Variants in CTNS observed in about 807,000 individuals in gnomAD.
The protein encoded by CTNS is cystinosin.
A neutral mutation model predicts 43.7 loss-of-function variants in CTNS; 27 were observed. The ratio of observed to expected loss-of-function variants is 0.62; its 90% confidence interval spans 0.46 to 0.85. The LOEUF is 0.85. Among genes scored for constraint, CTNS ranks in the 40% least tolerant of loss-of-function variants. The probability of loss-of-function intolerance (pLI) is 0.00; values close to 1 mark genes in which losing one functional copy is unlikely to be tolerated. For synonymous variants in CTNS, 187 were observed against 190.6 expected (o/e 0.98, Z 0.16); for missense variants, 457 against 475.4 (o/e 0.96, Z 0.36).
chr17:3,641,403 T>A lies in CTNS; in HGVS notation c.61+1136T>A, dbSNP rs1351005397. ...ATATATATTTTTTTTTTTTTTTTTT[T>A]TTTTTTGAGACAGAGTCTCACTCTG... On this transcript the variant is annotated intron_variant, in intron 3 of 11. Transcript: ENST00000046640. Among the ~76,000 whole-genome samples, 73 of 113,542 alleles carry A rather than the reference T, an allele frequency of 6.4e-4. No homozygotes were observed. The East Asian group carries it at 8.9e-3, about 14-fold the overall frequency. The allele number at this position is 113,542 out of a possible 152,430, so 74.5% of individuals were successfully genotyped here.
chr17:3,644,551 G>A (rs1202945476), intron 3 of CTNS, among the ~76,000 whole-genome samples: 2 of 152,152 alleles, frequency 1.3e-5, no homozygotes, highest in South Asian at 2.1e-4. Context: ...TGCAGCCCCC[G>A]CTTCCTGGGT....
At chr17:3,645,229 AT>A (rs1241741138) in intron 3 of CTNS, among the ~76,000 whole-genome samples, 43 of 152,046 alleles carry the variant, frequency 2.8e-4, no homozygotes, top group African/African-American at 9.9e-4. Context: ...GAGGCTCCAC[AT>A]AAGGAAGGGA....
In CTNS at chr17:3,660,279, C is replaced by T. The variant is rs766085355; in HGVS notation, c.1014C>T (p.Leu338=). Residue 338 remains leucine, a synonymous_variant, in exon 12 of 12, where the codon CTC becomes CTT. Transcript: ENST00000046640. The part of the protein sequence containing the change: ...LIFGDPTKFG[L]GVFSIVFDVV... ...TCGGAGACCCAACCAAGTTTGGACT[C>T]GGGGTCTTCTCCATCGTCTTCGACG... 26 of 1,614,118 alleles carry T rather than the reference C, an allele frequency of 1.6e-5. No individual in the cohort carries two copies. The highest frequency in any genetic ancestry group is 2.2e-5 in the East Asian group (1 of 44,900).
intron 3 of CTNS, among the ~76,000 whole-genome samples, chr17:3,645,589 G>A (rs1174270404): frequency 6.6e-6 from 1 of 152,116 alleles, no homozygotes; most frequent in Non-Finnish European, 1.5e-5. Flanking sequence ...GCCAGGTATG[G>A]TGGCTCACAC....
rs749864965 is a variant in CTNS at position 3,660,685 on chromosome 17, A to C, written c.*316A>C. The C allele has an allele frequency of 6.2e-7, 1 of 1,613,548 alleles. No homozygotes were observed. Among genetic ancestry groups the C allele is most frequent in the Non-Finnish European group, 8.5e-7 (1 of 1,179,952 alleles). ...GACTGGGCACCAAGCTTGCAGCCGA[A>C]GGCCTTGCCCCAAACTACCAGCGTT... On this transcript the variant is annotated 3_prime_UTR_variant, in exon 12 of 12. Coordinates refer to ENST00000046640, the MANE Select transcript of CTNS (RefSeq NM_004937.3).
At position 3,658,321 on chromosome 17, in the gene CTNS, G is replaced by A. The variant is rs2076205033; in HGVS notation, c.852+146G>A. The A allele has an allele frequency of 2.6e-6, 3 of 1,135,804 alleles. No homozygotes were observed. In the East Asian group the frequency reaches 7.7e-5, roughly 29 times the overall value. The allele number at this position is 1,135,804 out of a possible 1,614,324, so 70.4% of individuals were successfully genotyped here. A position where few individuals can be genotyped will look rare whatever the true frequency, so the allele number is the denominator to read the frequency against. On this transcript the variant is annotated intron_variant, in intron 10 of 11. Transcript: ENST00000046640. ...GAGCCCGGGAGCCCAGCGGGAGCGG[G>A]GCGGTGGGGAGGCCAGCCTGCCGCT... is the stretch of plus-strand genomic sequence containing the variant.
chr17:3,644,157 T>C (rs145870140), intron 3 of CTNS, among the ~76,000 whole-genome samples: 2 of 152,352 alleles, frequency 1.3e-5, no homozygotes, highest in African/African-American at 4.8e-5. Context: ...AACAATTATT[T>C]AGCATCTGGG....
At chr17:3,651,192 T>G (rs762795047) in intron 5 of CTNS, among the ~76,000 whole-genome samples, 9 of 151,698 alleles carry the variant, frequency 5.9e-5, no homozygotes, top group Admixed American at 2.6e-4. Context: ...CCTCCCAAGT[T>G]TAATCAATTA....
In CTNS at chr17:3,660,903, CTG is replaced by C; in HGVS notation, c.*536_*537del. 1.0e-6 allele frequency: 1 copy of C among 983,936 alleles called. No individual in the cohort carries two copies. Among genetic ancestry groups the C allele is most frequent in the Non-Finnish European group, 1.5e-6 (1 of 654,726 alleles). 61.0% of individuals were successfully genotyped at this position (983,936 alleles called of 1,614,324 possible). A position where few individuals can be genotyped will look rare whatever the true frequency, so the allele number is the denominator to read the frequency against. ...GAAGGCCACTTTCCTGACGTACTCT[CTG>C]TACATAACTCAGCGTCCGTGACTGC... is the stretch of plus-strand genomic sequence containing the variant. On this transcript the variant is annotated 3_prime_UTR_variant, in exon 12 of 12. Coordinates refer to ENST00000046640, the MANE Select transcript of CTNS (RefSeq NM_004937.3).
At chr17:3,651,603 C>T (rs2075983923) in intron 5 of CTNS, among the ~76,000 whole-genome samples, 1 of 152,158 alleles carries the variant, frequency 6.6e-6, no homozygotes, top group African/African-American at 2.4e-5. Context: ...TGCATTCAGT[C>T]TGTAGACATT....
In CTNS at chr17:3,656,815, C is replaced by A; in HGVS notation, c.681+20C>A. The A allele has an allele frequency of 6.2e-7, 1 of 1,612,710 alleles. No individual in the cohort carries two copies. The highest frequency in any genetic ancestry group is 1.1e-5 in the South Asian group (1 of 91,032). Reference sequence around the variant, plus strand: ...TATGAGGTGAGACCAGCCCTGGCCCCCCACAGGCCACCCCAGCCAACACCC... The same window carrying A: ...TATGAGGTGAGACCAGCCCTGGCCCACCACAGGCCACCCCAGCCAACACCC... On this transcript the variant is annotated intron_variant, in intron 9 of 11. Transcript: ENST00000046640.
chr17:3,650,502 T>C, intron 5 of CTNS: 3 of 751,890 alleles, frequency 4.0e-6, no homozygotes, highest in Non-Finnish European at 6.0e-6. Flanking sequence ...AAAATAAAAA[T>C]AAAATGTTTA....
rs2076284136 is a variant in CTNS, at chr17:3,661,959, C to G, written c.*1590C>G. 1.3e-5 allele frequency among the ~76,000 whole-genome samples: 2 copies of G among 152,214 alleles called. No homozygotes were observed. The highest frequency in any genetic ancestry group is 2.9e-5 in the Non-Finnish European group (2 of 68,036). ...GGGGTCCACAGACCTGTTTCACTTGCAACACCCAGTAAATGTGTTACTGGG... is the reference window on the plus strand; with the variant it reads ...GGGGTCCACAGACCTGTTTCACTTGGAACACCCAGTAAATGTGTTACTGGG... On this transcript the variant is annotated 3_prime_UTR_variant, in exon 12 of 12. Coordinates refer to ENST00000046640, the MANE Select transcript of CTNS (RefSeq NM_004937.3).
chr17:3,661,426 G>C lies in CTNS; in HGVS notation c.*1057G>C, dbSNP rs1187029926. The stretch of plus-strand genomic sequence containing the variant: ...TCCTTCCTATGGCAGGAGGGGTGGG[G>C]GTCCCAGGACGTGCCTCATACATGA... On this transcript the variant is annotated 3_prime_UTR_variant, in exon 12 of 12. Coordinates refer to ENST00000046640, the MANE Select transcript of CTNS (RefSeq NM_004937.3). 1 of 153,346 alleles carries C rather than the reference G, an allele frequency of 6.5e-6. No homozygotes were observed. Among genetic ancestry groups the C allele is most frequent in the Admixed American group, 6.5e-5 (1 of 15,452 alleles). 9.5% of individuals were successfully genotyped at this position (153,346 alleles called of 1,614,324 possible). A position where few individuals can be genotyped will look rare whatever the true frequency, so the allele number is the denominator to read the frequency against.
At position 3,640,182 on chromosome 17, in the gene CTNS, TC is replaced by T. The variant is rs765523702; in HGVS notation, c.-19-4del. 2 of 1,610,836 alleles carry T rather than the reference TC, an allele frequency of 1.2e-6. No individual in the cohort carries two copies. The highest frequency in any genetic ancestry group is 2.2e-5 in the East Asian group (1 of 44,866). On this transcript the variant is annotated splice_region_variant and splice_polypyrimidine_tract_variant and intron_variant, in intron 2 of 11. Transcript: ENST00000046640. Reference sequence around the variant, plus strand: ...TGAACTTCTCTCTTGCTGTTTTTCTTCCTAGTTCTGAGAAATCGAGAAACAT... The same window carrying T: ...TGAACTTCTCTCTTGCTGTTTTTCTTCTAGTTCTGAGAAATCGAGAAACAT...
Position 3,647,497 on chromosome 17 carries a change from T to G in CTNS, c.115T>G (p.Ser39Ala). 6.2e-7 allele frequency: 1 copy of G among 1,614,134 alleles called. No individual in the cohort carries two copies. Among genetic ancestry groups the G allele is most frequent in the Non-Finnish European group, 8.5e-7 (1 of 1,180,006 alleles). ...PPVVKLENGS[S>A]TNVSLTLRPP... ...TGTCGTAAAGCTGGAGAACGGCAGC[T>G]CGACCAACGTCAGCCTCACCCTGCG... Residue 39 changes from serine to alanine, a missense_variant, in exon 4 of 12, where the codon TCG (serine) becomes GCG (alanine). Coordinates refer to ENST00000046640, the MANE Select transcript of CTNS (RefSeq NM_004937.3).
At chr17:3,651,048 C>T (rs552176499) in intron 5 of CTNS, among the ~76,000 whole-genome samples, 5 of 151,632 alleles carry the variant, frequency 3.3e-5, no homozygotes, top group African/African-American at 1.2e-4. Context: ...GGTGATCCAC[C>T]CGCCACGGCC....
intron 4 of CTNS, 152 bp from the exon 5 acceptor site, chr17:3,648,695 C>G: frequency 2.8e-6 from 2 of 726,226 alleles, no homozygotes; most frequent in Non-Finnish European, 5.0e-6. Flanking sequence ...TACGGGAGCA[C>G]GATTTCCACC....
chr17:3,642,966 A>C (rs998810458), intron 3 of CTNS, among the ~76,000 whole-genome samples: 15 of 152,196 alleles, frequency 9.9e-5, no homozygotes, highest in Non-Finnish European at 1.9e-4. Flanking sequence ...CTGTGTGGGC[A>C]AGAAACCTTT....
Sources: gnomAD v4.1 joint callset for allele counts (sites outside exome capture counted in the v4.1 genomes callset) on GRCh38, gnomAD v4.1.1 for gene constraint, MANE v1.5 for transcripts, NCBI Gene and HGNC (gene_info 2026-07-23, HGNC 2026-07-21) for gene names.